Variants in CBFA2T3 observed in about 807,000 individuals in gnomAD.
CBFA2T3 encodes transcriptional corepressor CBFA2T3.
In CBFA2T3, 31 loss-of-function variants were observed where a neutral mutation model predicts 58.6. The observed-to-expected ratio is 0.53, with a 90% CI of 0.40 to 0.71. CBFA2T3 has a LOEUF of 0.71. CBFA2T3 is among the 30% of genes least tolerant of loss of function. The probability of loss-of-function intolerance (pLI) is 0.00; values close to 1 mark genes in which losing one functional copy is unlikely to be tolerated. For missense variants in CBFA2T3, 1,076 were observed against 963.1 expected (o/e 1.12, Z -1.55); for synonymous variants, 531 against 421.9 (o/e 1.26, Z -3.17).
intron 5 of CBFA2T3, chr16:88,886,410 TGGACTCCCAGGGTG>T (rs962010751): frequency 1.1e-5 from 4 of 358,672 alleles, no homozygotes; most frequent in Non-Finnish European, 2.0e-5. Flanking sequence ...GCCCAGATCC[TGGACTCCCAGGGTG>T]GGGCTTTCCC....
chr16:88,880,544 C>T (rs1722214920), intron 10 of CBFA2T3, among the ~76,000 whole-genome samples, 176 bp downstream of exon 10: 1 of 152,228 alleles, frequency 6.6e-6, no homozygotes, highest in Non-Finnish European at 1.5e-5. Flanking sequence ...GCTGTCCTGC[C>T]CTAAGTGTGA....
chr16:88,884,096 T>C (rs1177547225), intron 7 of CBFA2T3: 2 of 152,284 alleles, frequency 1.3e-5, no homozygotes, highest in African/African-American at 4.8e-5. Context: ...GGCTGAGACG[T>C]GCCCGACAGC....
chr16:88,881,500 G>T lies in CBFA2T3; in HGVS notation c.1204-11C>A, dbSNP rs369377378. ...GATGCAGTTCAGGAGCTGGGGGCGG[G>T]CGGCGCAGCCTTCAGCACCTCAGAG... On this transcript the variant is annotated splice_polypyrimidine_tract_variant and intron_variant, in intron 8 of 11. Transcript: ENST00000268679. The T allele has an allele frequency of 1.4e-4, 222 of 1,596,990 alleles. 2 individuals carry two copies. The South Asian group carries it at 2.0e-3, about 14-fold the overall frequency.
rs754202558 is a variant in CBFA2T3 at position 88,880,754 on chromosome 16, G to A, written c.1437C>T (p.Thr479=). Reference sequence around the variant, plus strand: ...TCCAGATGTCCTCAGGCACGTAGCCGGTGAGGGTCCTCGGCAGGAACTCGC... The same window carrying A: ...TCCAGATGTCCTCAGGCACGTAGCCAGTGAGGGTCCTCGGCAGGAACTCGC... ...VPREFLPRTL[T]GYVPEDIWRK... is the part of the protein sequence containing the mutation. Residue 479 remains threonine (T), a synonymous_variant, in exon 10 of 12, where the codon ACC becomes ACT. Transcript: ENST00000268679. 1.2e-5 allele frequency: 19 copies of A among 1,582,304 alleles called. No individual in the cohort carries two copies. Among genetic ancestry groups the A allele is most frequent in the South Asian group, 3.5e-5 (3 of 86,810 alleles).
intron 1 of CBFA2T3, among the ~76,000 whole-genome samples, chr16:88,903,678 G>T (rs1265448981): frequency 8.2e-6 from 1 of 121,404 alleles, no homozygotes; most frequent in Non-Finnish European, 1.8e-5. Context: ...GGGCGTTCCT[G>T]GGGGGGCATT....
rs1247750062 is a variant in CBFA2T3, at chr16:88,895,141, G to A, written c.380-2656C>T. ...ACAGCTGGGGCTCCGGCTAGGCCAG[G>A]CCTCCCTTTCTACCCGCTCCTGCAG... On this transcript the variant is annotated intron_variant, in intron 3 of 11. Coordinates refer to ENST00000268679, the MANE Select transcript of CBFA2T3 (RefSeq NM_005187.6). Among the ~76,000 whole-genome samples, 22 of 152,178 alleles carry A rather than the reference G, an allele frequency of 1.4e-4. 1 individual carries two copies. The highest frequency in any genetic ancestry group is 1.4e-3 in the Admixed American group (22 of 15,286).
chr16:88,957,670 T>C (rs1207277480), intron 1 of CBFA2T3: 1 of 152,188 alleles, frequency 6.6e-6, no homozygotes, highest in Admixed American at 6.5e-5. Flanking sequence ...GCAGATGCAG[T>C]GCACACTTAT....
rs1567577889 is a variant in CBFA2T3 at position 88,885,026 on chromosome 16, CGCCCCACCGG to C, written c.1117+10_1117+19del. On this transcript the variant is annotated intron_variant, in intron 7 of 11. Coordinates refer to ENST00000268679, the MANE Select transcript of CBFA2T3 (RefSeq NM_005187.6). This position sits in a 1 kb window ranked among gnomAD's most constrained non-coding sequence, Gnocchi z 5.3. ...CTCCTGTAACACGCGTCCACGCTCC[CGCCCCACCGG>C]GCTGCTCACCAAGCGGCCGATGGCG... 6 of 1,566,400 alleles carry C rather than the reference CGCCCCACCGG, an allele frequency of 3.8e-6. No individual in the cohort carries two copies. In the South Asian group the frequency reaches 6.8e-5, roughly 18 times the overall value.
intron 1 of CBFA2T3, among the ~76,000 whole-genome samples, chr16:88,924,447 G>A (rs1201338210): frequency 6.6e-6 from 1 of 152,206 alleles, no homozygotes; most frequent in African/African-American, 2.4e-5. Context: ...GGCTCTCGGG[G>A]GCGATGGCTG....
At chr16:88,882,640 A>ATGGCTGTGTGGGCG in intron 8 of CBFA2T3, 36 bp downstream of exon 8, 3 of 1,381,356 alleles carry the variant, frequency 2.2e-6, no homozygotes, top group Non-Finnish European at 3.0e-6. Context: ...GCGCCTGGGC[A>ATGGCTGTGTGGGCG]TGGCTGTGTG....
intron 10 of CBFA2T3, 57 bp downstream of exon 10, chr16:88,880,663 A>G: frequency 7.0e-7 from 1 of 1,434,222 alleles, no homozygotes; most frequent in Non-Finnish European, 9.6e-7. Flanking sequence ...TGAGAGGCGC[A>G]TCTGGGGCCC....
In CBFA2T3 at chr16:88,876,942, G is replaced by T; in HGVS notation, c.*34C>A. On this transcript the variant is annotated 3_prime_UTR_variant, in exon 12 of 12. Transcript: ENST00000268679. ...GCCTGGAGCTGGGTGGGGTTGGCAC[G>T]GTGCTGTGTCCGGCAGGCCAGGGGC... is the stretch of plus-strand genomic sequence containing the variant. 7.2e-7 allele frequency: 1 copy of T among 1,385,854 alleles called. No homozygotes were observed. Among genetic ancestry groups the T allele is most frequent in the Non-Finnish European group, 9.3e-7 (1 of 1,069,838 alleles). The allele number at this position is 1,385,854 out of a possible 1,614,324, so 85.8% of individuals were successfully genotyped here.
chr16:88,882,575 GGCGTGGCTGTGTGTGCATGGCTGTGTGT>G (rs1456669672), intron 8 of CBFA2T3, 73 bp downstream of exon 8: 58 of 406,962 alleles, frequency 1.4e-4, no homozygotes, highest in African/African-American at 9.4e-4. Context: ...CATGGCTGTG[GGCGTGGCTGTGTGTGCATGGCTGTGTGT>G]GCGTGGCTGT....
At chr16:88,970,597 C>T (rs949761011) in intron 1 of CBFA2T3, among the ~76,000 whole-genome samples, 2 of 152,246 alleles carry the variant, frequency 1.3e-5, no homozygotes, top group African/African-American at 2.4e-5. Context: ...CCGTCTGCCC[C>T]TTCCCTCCGG....
chr16:88,971,419 C>G (rs1972653144), intron 1 of CBFA2T3, among the ~76,000 whole-genome samples: 1 of 152,206 alleles, frequency 6.6e-6, no homozygotes, highest in African/African-American at 2.4e-5. Flanking sequence ...CTTGATTTTT[C>G]AAATGACATG....
Position 88,891,884 on chromosome 16 carries a change from T to G in CBFA2T3, c.709A>C (p.Lys237Gln), listed in dbSNP as rs775906741. The G allele has an allele frequency of 6.8e-6, 11 of 1,609,474 alleles. No individual in the cohort carries two copies. The highest frequency in any genetic ancestry group is 9.3e-6 in the Non-Finnish European group (11 of 1,176,770). The change falls in exon 5 of 12, where the codon AAG (lysine) becomes CAG (glutamine). Residue 237 changes from lysine (K) to glutamine (Q), a missense_variant and splice_region_variant. Transcript: ENST00000268679. The stretch of plus-strand genomic sequence containing the variant: ...ACGGGGGACGGGTTTCGCATTACCT[T>G]CAGGAAGGGAATGACAAACGGCCGC... Reference protein sequence around the residue: ...PLRPFVIPFLKANLPLLQREL... With the variant: ...PLRPFVIPFLQANLPLLQREL...
intron 1 of CBFA2T3, chr16:88,950,151 T>C (rs1972016967): frequency 2.2e-6 from 1 of 455,682 alleles, no homozygotes. Flanking sequence ...TCTCTGCTTG[T>C]TCTGCGTTTC....
chr16:88,963,013 C>A (rs1252965063), intron 1 of CBFA2T3, among the ~76,000 whole-genome samples: 1 of 152,202 alleles, frequency 6.6e-6, no homozygotes, highest in African/African-American at 2.4e-5. Flanking sequence ...GAGGTTGGGT[C>A]CAAAGCCACA....
intron 1 of CBFA2T3, among the ~76,000 whole-genome samples, chr16:88,960,970 G>A (rs568587826): frequency 3.3e-5 from 5 of 152,312 alleles, no homozygotes; most frequent in East Asian, 1.9e-4. Context: ...ATACGCTTAC[G>A]ATTTAAAAAT....
Sources: gnomAD v4.1 joint callset for allele counts (sites outside exome capture counted in the v4.1 genomes callset) on GRCh38, gnomAD v4.1.1 for gene constraint, Gnocchi (gnomAD v3.1) non-coding constraint, MANE v1.5 for transcripts, NCBI Gene and HGNC (gene_info 2026-07-23, HGNC 2026-07-21) for gene names.